The following SLC16A11 variants were observed in gnomAD, a reference collection of about 807,000 sequenced individuals.
SLC16A11 encodes solute carrier family 16 member 11.
In SLC16A11, 24 loss-of-function variants were observed where a neutral mutation model predicts 26.0. That is an observed-to-expected ratio of 0.92 (90% CI 0.67 to 1.30). The LOEUF is 1.30. SLC16A11 is among the 50% of genes most tolerant of loss of function. SLC16A11 has a pLI of 0.00. For synonymous variants in SLC16A11, 332 were observed against 296.0 expected, an observed-to-expected ratio of 1.12 and a Z score of -1.25; for missense variants, 638 against 597.7, an observed-to-expected ratio of 1.07 and a Z score of -0.70.
At position 7,042,968 on chromosome 17, in the gene SLC16A11, T is replaced by C. The variant is rs13342692; in HGVS notation, c.308A>G (p.Asp103Gly). Reference protein sequence around the residue: ...LGFVFSAFASDLLHLYLGLGL... With the variant: ...LGFVFSAFASGLLHLYLGLGL... ...CAGGCCGAGGTAGAGATGCAGCAGA[T>C]CGCTGGCGAAAGCCGAGAAGACGAA... is the stretch of plus-strand genomic sequence containing the variant. The change falls in exon 3 of 5, where the codon GAT becomes GGT. Residue 103 changes from aspartate (D) to glycine (G), a missense_variant. Physicochemically the swap from Asp to Gly is moderately conservative, Grantham distance 94 (BLOSUM62 -1). Transcript: ENST00000574600. This position sits in a 1 kb window ranked among gnomAD's most constrained non-coding sequence, Gnocchi z 5.9. The C allele has an allele frequency of 0.04, 63,701 of 1,612,368 alleles. 7,567 individuals are homozygous for C. The highest frequency in any genetic ancestry group is 0.34 in the African/African-American group (25,417 of 74,978).
In SLC16A11 at chr17:7,042,285, C is replaced by T; in HGVS notation, c.825G>A (p.Trp275Ter). The change falls in exon 4 of 5, where the codon TGG (tryptophan) becomes TGA (stop). Residue 275 changes from tryptophan (W) to a stop codon, truncating the protein, a stop_gained. Transcript: ENST00000574600. LOFTEE classifies it high-confidence loss of function. The surrounding 1 kb of genome is among the most constrained non-coding windows in gnomAD (Gnocchi z 5.9). Reference protein sequence around the residue: ...GDAGARLVCGWLADQGWVPLP... With the variant: ...GDAGARLVCG Reference sequence around the variant, plus strand: ...GGGGCACCCAGCCTTGGTCTGCCAGCCACCCGCAGACCAGCCGGGCGCCCG... The same window carrying T: ...GGGGCACCCAGCCTTGGTCTGCCAGTCACCCGCAGACCAGCCGGGCGCCCG... 2 of 1,566,328 alleles carry T rather than the reference C, an allele frequency of 1.3e-6. No homozygotes were observed. The highest frequency in any genetic ancestry group is 2.4e-5 in the East Asian group (1 of 41,830).
chr17:7,042,081 C>A lies in SLC16A11; in HGVS notation c.1029G>T (p.Leu343=). The change falls in exon 4 of 5, where the codon CTG becomes CTT. Residue 343 remains leucine, a synonymous_variant. Coordinates refer to ENST00000574600, the MANE Select transcript of SLC16A11 (RefSeq NM_001370549.1). The surrounding 1 kb of genome is among the most constrained non-coding windows in gnomAD (Gnocchi z 5.9). ...APLVFGVLPG[L]VGVGGVVQAT... Reference sequence around the variant, plus strand: ...CCTGCACCACACCTCCGACGCCCACCAGCCCGGGGAGTACACCGAAAACCA... The same window carrying A: ...CCTGCACCACACCTCCGACGCCCACAAGCCCGGGGAGTACACCGAAAACCA... 6.2e-7 allele frequency: 1 copy of A among 1,607,174 alleles called. No homozygotes were observed. Among genetic ancestry groups the A allele is most frequent in the Non-Finnish European group, 8.5e-7 (1 of 1,175,476 alleles).
In SLC16A11 at chr17:7,043,453, C is replaced by A. The variant is rs2151672087; in HGVS notation, c.61G>T (p.Ala21Ser). The change falls in exon 2 of 5, where the codon GCC becomes TCC. Residue 21 changes from alanine (A) to serine (S), a missense_variant. Coordinates refer to ENST00000574600, the MANE Select transcript of SLC16A11 (RefSeq NM_001370549.1). ...GGWGWVVAAA[A>S]FAINGLSYGL... ...TAGGACAGCCCGTTTATCGCGAAGGCTGCGGCCGCCACCACCCAGCCCCAG... is the reference window on the plus strand; with the variant it reads ...TAGGACAGCCCGTTTATCGCGAAGGATGCGGCCGCCACCACCCAGCCCCAG... 6.3e-7 allele frequency: 1 copy of A among 1,597,116 alleles called. No homozygotes were observed. The highest frequency in any genetic ancestry group is 2.2e-5 in the East Asian group (1 of 44,502).
Sources: allele counts gnomAD v4.1 joint callset, GRCh38; gene constraint gnomAD v4.1.1; non-coding constraint Gnocchi (gnomAD v3.1); transcripts MANE v1.5; gene names NCBI Gene and HGNC (gene_info 2026-07-23, HGNC 2026-07-21).